Variants in DYNC1H1 observed in about 807,000 individuals in gnomAD.
DYNC1H1 encodes dynein cytoplasmic 1 heavy chain 1, also known as cytoplasmic dynein 1 heavy chain 1.
DYNC1H1 carries 51 observed loss-of-function variants against 527.1 expected under a neutral mutation model. The ratio of observed to expected loss-of-function variants is 0.10; its 90% CI spans 0.08 to 0.12. The LOEUF (loss-of-function observed/expected upper bound fraction) is 0.12, where lower values mean the gene tolerates loss of function less well. Ranked by LOEUF, DYNC1H1 falls within the 10% of genes least tolerant of loss-of-function variation. DYNC1H1 has a pLI of 1.00. For missense variants in DYNC1H1, 2,771 were observed against 5,971.8 expected, an observed-to-expected ratio of 0.46 and a Z score of 17.66; for synonymous variants, 2,189 against 2,278.8, an observed-to-expected ratio of 0.96 and a Z score of 1.12.
intron 11 of DYNC1H1, 79 bp downstream of exon 11, chr14:101,991,752 T>C (rs901653500): frequency 8.8e-6 from 14 of 1,582,320 alleles, no homozygotes; most frequent in Admixed American, 1.7e-5. Flanking sequence ...TTCATGGTGC[T>C]TCTTTAGATA....
Position 102,049,576 on chromosome 14 carries a change from G to T in DYNC1H1, c.13509G>T (p.Glu4503Asp), listed in dbSNP as rs1304570979. ...CAGCTGCATCTGGTGGCGCCAAGGA[G>T]CTAAAGGTGAAGGCGCTCCTGACGA... ...SLAAASGGAK[E>D]LKNIHVCLGG... Residue 4503 changes from glutamate (E) to aspartate (D), a missense_variant, in exon 75 of 78, where the codon GAG (glutamate) becomes GAT (aspartate). By Grantham distance (45) the Glu-to-Asp change is conservative. Around this residue, in one of 32 missense-constraint regions of DYNC1H1, gnomAD observed 170 missense variants for 249.8 expected, o/e 0.68. Coordinates refer to ENST00000360184, the MANE Select transcript of DYNC1H1 (RefSeq NM_001376.5). This position sits in a 1 kb window ranked among gnomAD's most constrained non-coding sequence, Gnocchi z 5.5. 6.2e-7 allele frequency: 1 copy of T among 1,613,944 alleles called. No homozygotes were observed. The highest frequency in any genetic ancestry group is 1.3e-5 in the African/African-American group (1 of 74,936).
intron 51 of DYNC1H1, chr14:102,030,763 G>A: frequency 4.7e-6 from 1 of 211,680 alleles, no homozygotes; most frequent in Non-Finnish European, 9.6e-6. Context: ...TAGAAATAGG[G>A]CAACAACCTG....
rs551349885 is a variant in DYNC1H1 at position 102,044,412 on chromosome 14, A to C, written c.12823A>C (p.Thr4275Pro). ...LNTFLERLFTTRSFDSEFKLA... is the reference protein window; with the variant it reads ...LNTFLERLFTPRSFDSEFKLA... ...CACCTTCCTGGAGCGCCTGTTCACA[A>C]CCAGGAGTTTCGACAGTGAGTTTAA... Residue 4275 changes from threonine to proline, a missense_variant, in exon 71 of 78, where the codon ACC (threonine) becomes CCC (proline). This residue lies in a region of DYNC1H1 where 195 missense variants were observed against 428.6 expected (regional missense o/e 0.45). Transcript: ENST00000360184. The surrounding 1 kb of genome is among the most constrained non-coding windows in gnomAD (Gnocchi z 7.1). 1 of 1,614,174 alleles carries C rather than the reference A, an allele frequency of 6.2e-7. No individual in the cohort carries two copies. The highest frequency in any genetic ancestry group is 1.3e-5 in the African/African-American group (1 of 75,054).
At position 102,044,355 on chromosome 14, in the gene DYNC1H1, G is replaced by C. The variant is rs376420321; in HGVS notation, c.12766G>C (p.Val4256Leu). 4 of 1,613,788 alleles carry C rather than the reference G, an allele frequency of 2.5e-6. No individual in the cohort carries two copies. In the African/African-American group the frequency reaches 5.3e-5, roughly 22 times the overall value. The stretch of plus-strand genomic sequence containing the variant: ...GGCCCAGTCCATTTATGGCGGGCGC[G>C]TGGACAACGAGTTTGACCAGCGTCT... ...LMAQSIYGGRVDNEFDQRLLN... is the reference protein window; with the variant it reads ...LMAQSIYGGRLDNEFDQRLLN... Residue 4256 changes from valine (V) to leucine (L), a missense_variant, in exon 71 of 78, where the codon GTG becomes CTG. By Grantham distance (32) the Val-to-Leu change is conservative (BLOSUM62 1). Around this residue, in one of 32 missense-constraint regions of DYNC1H1, gnomAD observed 195 missense variants for 428.6 expected, o/e 0.45. Transcript: ENST00000360184. The surrounding 1 kb of genome is among the most constrained non-coding windows in gnomAD (Gnocchi z 7.1).
rs1173624110 is a variant in DYNC1H1 at position 102,020,461 on chromosome 14, T to C, written c.8507+405T>C. Reference sequence around the variant, plus strand: ...TAACCTTACCAGAGCACGGGTTCACTGCTGAGTTAAAAGGTCTCCCAACAA... The same window carrying C: ...TAACCTTACCAGAGCACGGGTTCACCGCTGAGTTAAAAGGTCTCCCAACAA... On this transcript the variant is annotated intron_variant, in intron 42 of 77. Transcript: ENST00000360184. This position sits in a 1 kb window ranked among gnomAD's most constrained non-coding sequence, Gnocchi z 4.3. Among the ~76,000 whole-genome samples, 1 of 152,180 alleles carries C rather than the reference T, an allele frequency of 6.6e-6. No individual in the cohort carries two copies.
At position 102,047,875 on chromosome 14, in the gene DYNC1H1, G is replaced by C; in HGVS notation, c.13065G>C (p.Leu4355=). The change falls in exon 73 of 78, where the codon CTG becomes CTC. Residue 4355 remains leucine (L), a synonymous_variant. Transcript: ENST00000360184. ...KMQMLEDEDD[L]AYAETEKKTR... ...AGATGTTGGAGGATGAGGACGACCTGGCCTACGCAGAGACTGAGAAGAAGA... is the reference window on the plus strand; with the variant it reads ...AGATGTTGGAGGATGAGGACGACCTCGCCTACGCAGAGACTGAGAAGAAGA... The C allele has an allele frequency of 1.2e-6, 2 of 1,613,578 alleles. No individual in the cohort carries two copies. The highest frequency in any genetic ancestry group is 2.2e-5 in the South Asian group (2 of 91,072).
At chr14:101,998,341 G>T (rs901574106) in intron 16 of DYNC1H1, among the ~76,000 whole-genome samples, 1 of 150,724 alleles carries the variant, frequency 6.6e-6, no homozygotes, top group African/African-American at 2.5e-5. Context: ...TAATACAAAC[G>T]CCTGGACCCC....
rs757880988 is a variant in DYNC1H1 at position 102,021,656 on chromosome 14, C to CTTT, written c.8508-1077_8508-1075dup. On this transcript the variant is annotated intron_variant, in intron 42 of 77. Transcript: ENST00000360184. The stretch of plus-strand genomic sequence containing the variant: ...CAGTTCCCATTTCTTTTTTCTTTTT[C>CTTT]TTTTTTTTTTTTTTTTTTTTGAGAC... Among the ~76,000 whole-genome samples, 45 of 119,818 alleles carry CTTT rather than the reference C, an allele frequency of 3.8e-4. 2 individuals are homozygous for CTTT. The highest frequency in any genetic ancestry group is 2.3e-3 in the South Asian group (8 of 3,524). 78.6% of individuals were successfully genotyped at this position (119,818 alleles called of 152,430 possible).
rs1335110762 is a variant in DYNC1H1 at position 102,039,590 on chromosome 14, G to A, written c.11595+44G>A. ...CCGCTCCCTGGCGGGGGGGAAGCAG[G>A]GTGCTGCTTCTCTTATGGAACAACA... is the stretch of plus-strand genomic sequence containing the variant. On this transcript the variant is annotated intron_variant, in intron 61 of 77. Coordinates refer to ENST00000360184, the MANE Select transcript of DYNC1H1 (RefSeq NM_001376.5). This position sits in a 1 kb window ranked among gnomAD's most constrained non-coding sequence, Gnocchi z 7.0. 6.2e-7 allele frequency: 1 copy of A among 1,614,210 alleles called. No individual in the cohort carries two copies. Among genetic ancestry groups the A allele is most frequent in the South Asian group, 1.1e-5 (1 of 91,088 alleles).
chr14:102,000,536 T>G (rs1194598552), intron 18 of DYNC1H1, 137 bp downstream of exon 18: 2 of 844,560 alleles, frequency 2.4e-6, no homozygotes, highest in Non-Finnish European at 3.9e-6. Flanking sequence ...GTCATTTACA[T>G]TATTCGTCCA....
In DYNC1H1 at chr14:101,997,102, T is replaced by C. The variant is rs2048071348; in HGVS notation, c.3632T>C (p.Ile1211Thr). 6.2e-7 allele frequency: 1 copy of C among 1,614,252 alleles called. No homozygotes were observed. The highest frequency in any genetic ancestry group is 8.5e-7 in the Non-Finnish European group (1 of 1,180,052). Residue 1211 changes from isoleucine (I) to threonine (T), a missense_variant, in exon 16 of 78, where the codon ATT becomes ACT. By Grantham distance (89) the Ile-to-Thr change is moderately conservative. This residue lies in a region of DYNC1H1 where 223 missense variants were observed against 462.5 expected (regional missense o/e 0.48). Transcript: ENST00000360184. The surrounding 1 kb of genome is among the most constrained non-coding windows in gnomAD (Gnocchi z 4.8). Reference sequence around the variant, plus strand: ...CAGTTCCCACCTTCCTGGCTTTATATTGACAACATCGAGGGAGAGTGGGGA... The same window carrying C: ...CAGTTCCCACCTTCCTGGCTTTATACTGACAACATCGAGGGAGAGTGGGGA... The part of the protein sequence containing the change: ...RFQFPPSWLY[I>T]DNIEGEWGAF...
chr14:102,030,936 A>G (rs2048503335), intron 51 of DYNC1H1, among the ~76,000 whole-genome samples: 1 of 152,208 alleles, frequency 6.6e-6, no homozygotes, highest in Non-Finnish European at 1.5e-5. Context: ...TGGGCAACAT[A>G]GCTAGACCCC....
intron 42 of DYNC1H1, among the ~76,000 whole-genome samples, chr14:102,021,656 C>CTTTTTTTTTT (rs757880988): frequency 1.7e-5 from 2 of 119,840 alleles, no homozygotes; most frequent in Non-Finnish European, 1.7e-5. Context: ...TTTTCTTTTT[C>CTTTTTTTTTT]TTTTTTTTTT....
In DYNC1H1 at chr14:101,986,014, A is replaced by G; in HGVS notation, c.1789A>G (p.Ile597Val). The change falls in exon 8 of 78, where the codon ATC becomes GTC. Residue 597 changes from isoleucine (I) to valine (V), a missense_variant. This residue lies in a region of DYNC1H1 where 264 missense variants were observed against 619.4 expected (regional missense o/e 0.43). Coordinates refer to ENST00000360184, the MANE Select transcript of DYNC1H1 (RefSeq NM_001376.5). The surrounding 1 kb of genome is among the most constrained non-coding windows in gnomAD (Gnocchi z 8.7). ...TAATGCACTGTTTGTCAGGCCTCAC[A>G]TCCGTGGGGCCATTCGCGAATACCA... The part of the protein sequence containing the change: ...RFNALFVRPH[I>V]RGAIREYQTQ... The G allele has an allele frequency of 6.2e-7, 1 of 1,614,230 alleles. No individual in the cohort carries two copies. Among genetic ancestry groups the G allele is most frequent in the Non-Finnish European group, 8.5e-7 (1 of 1,180,048 alleles).
At position 102,018,892 on chromosome 14, in the gene DYNC1H1, G is replaced by A. The variant is rs763732743; in HGVS notation, c.8343+276G>A. On this transcript the variant is annotated intron_variant, in intron 41 of 77. Coordinates refer to ENST00000360184, the MANE Select transcript of DYNC1H1 (RefSeq NM_001376.5). The surrounding 1 kb of genome is among the most constrained non-coding windows in gnomAD (Gnocchi z 5.2). ...GCTTGAACCTGGAGGCAGAGCTTAC[G>A]ATGAGCCATGATTGTGCCACTGCAC... 3.3e-5 allele frequency among the ~76,000 whole-genome samples: 5 copies of A among 152,134 alleles called. No individual in the cohort carries two copies. Among genetic ancestry groups the A allele is most frequent in the Non-Finnish European group, 5.9e-5 (4 of 68,022 alleles).
At chr14:102,031,017 G>T (rs1223469890) in intron 51 of DYNC1H1, among the ~76,000 whole-genome samples, 5 of 152,174 alleles carry the variant, frequency 3.3e-5, no homozygotes, top group Non-Finnish European at 7.4e-5. Context: ...CTTGCCCACT[G>T]TATTTAACCT....
chr14:101,986,818 G>A lies in DYNC1H1; in HGVS notation c.2538+55G>A. The stretch of plus-strand genomic sequence containing the variant: ...TGGTAACGAATGAAGCACAGTAATA[G>A]CGAGCTCAGTTAAAACACTAGTTCT... On this transcript the variant is annotated intron_variant, in intron 8 of 77. Coordinates refer to ENST00000360184, the MANE Select transcript of DYNC1H1 (RefSeq NM_001376.5). This position sits in a 1 kb window ranked among gnomAD's most constrained non-coding sequence, Gnocchi z 8.7. The A allele has an allele frequency of 1.9e-6, 3 of 1,599,202 alleles. No individual in the cohort carries two copies. Among genetic ancestry groups the A allele is most frequent in the South Asian group, 2.2e-5 (2 of 90,496 alleles).
rs115168367 is a variant in DYNC1H1, at chr14:101,966,025, C to T, written c.256+1078C>T. ...ACCACTTTGGGTGTGGCGTGTCCAT[C>T]TAAGAACCTAAGGATGATGTCCAAG... On this transcript the variant is annotated intron_variant, in intron 1 of 77. Coordinates refer to ENST00000360184, the MANE Select transcript of DYNC1H1 (RefSeq NM_001376.5). 3.2e-3 allele frequency among the ~76,000 whole-genome samples: 488 copies of T among 152,244 alleles called. 2 individuals carry two copies. Among genetic ancestry groups the T allele is most frequent in the African/African-American group, 0.011 (470 of 41,560 alleles).
chr14:101,994,621 T>C, intron 12 of DYNC1H1, 52 bp from the exon 13 acceptor site: 1 of 1,606,000 alleles, frequency 6.2e-7, no homozygotes, highest in Non-Finnish European at 8.5e-7. Context: ...GGTGCCAGTA[T>C]TCTACAAAAT....
Sources: allele counts gnomAD v4.1 joint callset (sites outside exome capture counted in the v4.1 genomes callset), GRCh38; gene constraint gnomAD v4.1.1; regional missense constraint gnomAD v4.1.1; non-coding constraint Gnocchi (gnomAD v3.1); transcripts MANE v1.5; gene names NCBI Gene and HGNC (gene_info 2026-07-23, HGNC 2026-07-21).